The following NVL variants were observed in gnomAD, a reference collection of about 807,000 sequenced individuals.
NVL encodes the protein nuclear valosin-containing protein-like.
In NVL, 84 loss-of-function variants were observed where a neutral mutation model predicts 110.2. That is an observed-to-expected ratio of 0.76 (90% confidence interval 0.64 to 0.91). The LOEUF (loss-of-function observed/expected upper bound fraction) is 0.91. Among genes scored for constraint, NVL ranks in the 40% least tolerant of loss-of-function variants. The pLI is 0.00. For synonymous variants in NVL, 354 were observed against 361.1 expected, an observed-to-expected ratio of 0.98 and a Z score of 0.22; for missense variants, 882 against 1,035.9, an observed-to-expected ratio of 0.85 and a Z score of 2.04.
At chr1:224,306,962 G>C (rs887434803) in intron 6 of NVL, among the ~76,000 whole-genome samples, 4 of 151,612 alleles carry the variant, frequency 2.6e-5, no homozygotes, top group African/African-American at 9.8e-5. Context: ...AATAAAAAGG[G>C]GAAAGGTTCT....
chr1:224,310,597 T>C (rs751941459), intron 5 of NVL, among the ~76,000 whole-genome samples: 2 of 152,236 alleles, frequency 1.3e-5, no homozygotes, highest in African/African-American at 2.4e-5. Flanking sequence ...GGTTAATCCA[T>C]CACCAACACT....
At chr1:224,320,433 G>C (rs904677144) in intron 2 of NVL, among the ~76,000 whole-genome samples, 1 of 152,078 alleles carries the variant, frequency 6.6e-6, no homozygotes, top group Non-Finnish European at 1.5e-5. Flanking sequence ...GATCATTTGC[G>C]GTCAGGAGTT....
At chr1:224,306,288 A>G (rs981355626) in intron 6 of NVL, among the ~76,000 whole-genome samples, 18 of 151,748 alleles carry the variant, frequency 1.2e-4, no homozygotes, top group Non-Finnish European at 2.4e-4. Context: ...TTTTTTTGAG[A>G]CGGAGTCTCG....
chr1:224,289,200 T>C, intron 13 of NVL: 1 of 364,630 alleles, frequency 2.7e-6, no homozygotes, highest in Non-Finnish European at 5.0e-6. Context: ...AATATAACTT[T>C]AATTTACAAA....
intron 18 of NVL, 110 bp downstream of exon 18, chr1:224,267,924 G>T: frequency 2.7e-6 from 2 of 740,328 alleles, no homozygotes; most frequent in Non-Finnish European, 4.4e-6. Context: ...GAATTATATT[G>T]TTTATAAATG....
At chr1:224,316,522 C>T (rs989671474) in intron 4 of NVL, among the ~76,000 whole-genome samples, 6 of 151,346 alleles carry the variant, frequency 4.0e-5, no homozygotes, top group Middle Eastern at 3.2e-3. Context: ...CCCATTTCTA[C>T]GAAAAATTAG....
At chr1:224,277,048 T>G (rs185414939) in intron 16 of NVL, among the ~76,000 whole-genome samples, 1 of 152,088 alleles carries the variant, frequency 6.6e-6, no homozygotes, top group East Asian at 1.9e-4. Flanking sequence ...CCCAAAGTAT[T>G]TCTTTGCTCT....
chr1:224,272,862 G>C (rs558961154), intron 17 of NVL, among the ~76,000 whole-genome samples: 1 of 148,932 alleles, frequency 6.7e-6, no homozygotes, highest in African/African-American at 2.5e-5. Context: ...GTGAAACCCC[G>C]TCTCTACTAA....
chr1:224,304,690 A>AT (rs577230628), intron 8 of NVL, 46 bp downstream of exon 8: 7 of 1,451,672 alleles, frequency 4.8e-6, no homozygotes, highest in Non-Finnish European at 6.8e-6. Flanking sequence ...CTCATAACTG[A>AT]TTAGTAATAT....
intron 18 of NVL, 105 bp from the exon 19 acceptor site, chr1:224,250,423 G>T: frequency 9.3e-7 from 1 of 1,069,864 alleles, no homozygotes; most frequent in African/African-American, 1.6e-5. Flanking sequence ...GGAGTGCAGT[G>T]GCATGATCTC....
intron 2 of NVL, among the ~76,000 whole-genome samples, chr1:224,323,174 T>C (rs1670824986): frequency 6.6e-6 from 1 of 152,232 alleles, no homozygotes; most frequent in Admixed American, 6.5e-5. Context: ...AGAGGACTTG[T>C]GTTTTACTGT....
chr1:224,265,684 TA>T (rs1664436701), intron 18 of NVL, among the ~76,000 whole-genome samples: 1 of 152,192 alleles, frequency 6.6e-6, no homozygotes, highest in Non-Finnish European at 1.5e-5. Flanking sequence ...GTGGGACCTT[TA>T]AAAGGTGATT....
intron 11 of NVL, 46 bp from the exon 12 acceptor site, chr1:224,294,457 G>C: frequency 6.3e-7 from 1 of 1,586,868 alleles, no homozygotes; most frequent in Non-Finnish European, 8.6e-7. Flanking sequence ...ACTTGACACT[G>C]ACGGCAATAA....
At position 224,307,867 on chromosome 1, in the gene NVL, T is replaced by A. The variant is rs1572025635; in HGVS notation, c.615+124A>T. ...GGAAAGCAGTGCAATGTGATCAAAT[T>A]CTCCATATATTTTAAAGTTCCTATG... On this transcript the variant is annotated intron_variant, in intron 6 of 22. Transcript: ENST00000281701. The A allele has an allele frequency of 1.1e-5, 9 of 818,274 alleles. No homozygotes were observed. In the East Asian group the frequency reaches 2.5e-4, roughly 23 times the overall value. The allele number at this position is 818,274 out of a possible 1,614,324, so 50.7% of individuals were successfully genotyped here.
At position 224,270,573 on chromosome 1, in the gene NVL, C is replaced by A. The variant is rs1367581524; in HGVS notation, c.2083-2440G>T. Among the ~76,000 whole-genome samples, 3 of 151,946 alleles carry A rather than the reference C, an allele frequency of 2.0e-5. No individual in the cohort carries two copies. The South Asian group carries it at 6.3e-4, about 32-fold the overall frequency. On this transcript the variant is annotated intron_variant, in intron 17 of 22. Coordinates refer to ENST00000281701, the MANE Select transcript of NVL (RefSeq NM_002533.4). The stretch of plus-strand genomic sequence containing the variant: ...ACTCTCAAAACAGAAAACAAACAAA[C>A]AAACAAACAAAACCTATAATATTCT...
intron 19 of NVL, among the ~76,000 whole-genome samples, chr1:224,243,300 A>C (rs1217376368): frequency 6.6e-6 from 1 of 151,582 alleles, no homozygotes; most frequent in African/African-American, 2.4e-5. Context: ...TTTCTACAAA[A>C]AAAAAAAAAA....
At chr1:224,248,702 G>A (rs140460884) in intron 19 of NVL, among the ~76,000 whole-genome samples, 49 of 152,342 alleles carry the variant, frequency 3.2e-4, no homozygotes, top group Admixed American at 7.8e-4. Flanking sequence ...ATAATTAGGC[G>A]TCCATTCCTG....
intron 21 of NVL, among the ~76,000 whole-genome samples, chr1:224,231,682 C>G (rs1371551660): frequency 6.6e-6 from 1 of 151,998 alleles, no homozygotes; most frequent in Non-Finnish European, 1.5e-5. Context: ...TCTTATGGAG[C>G]CATAATATCA....
chr1:224,320,010 G>T (rs1177100999), intron 2 of NVL, among the ~76,000 whole-genome samples: 1 of 151,986 alleles, frequency 6.6e-6, no homozygotes. Context: ...CTTCAAAAAT[G>T]TAAAGATCAT....
Sources: gnomAD v4.1 joint callset for allele counts (sites outside exome capture counted in the v4.1 genomes callset) on GRCh38, gnomAD v4.1.1 for gene constraint, MANE v1.5 for transcripts, NCBI Gene and HGNC (gene_info 2026-07-23, HGNC 2026-07-21) for gene names.